FUT9: variants seen among roughly 807,000 people sequenced by gnomAD.
The protein encoded by FUT9 is 4-galactosyl-N-acetylglucosaminide 3-alpha-L-fucosyltransferase 9.
A neutral mutation model predicts 29.7 loss-of-function variants in FUT9; 15 were observed. The ratio of observed to expected loss-of-function variants is 0.51; its 90% CI spans 0.34 to 0.78. FUT9 has a LOEUF of 0.78. Ranked by LOEUF, FUT9 falls within the 30% of genes least tolerant of loss-of-function variation. The probability of loss-of-function intolerance (pLI) is 0.01; values close to 1 mark genes in which losing one functional copy is unlikely to be tolerated. For missense variants in FUT9, 319 were observed against 425.4 expected, an observed-to-expected ratio of 0.75 and a Z score of 2.20; for synonymous variants, 169 against 153.7, an observed-to-expected ratio of 1.10 and a Z score of -0.74.
At position 96,207,138 on chromosome 6, in the gene FUT9, G is replaced by T; in HGVS notation, c.*2903G>T. The T allele has an allele frequency of 6.0e-6, 1 of 166,318 alleles. No homozygotes were observed. 10.3% of individuals were successfully genotyped at this position (166,318 alleles called of 1,614,324 possible). Reference sequence around the variant, plus strand: ...AATTATAATTTTGTTGTTTATAATTGCTATAATATAGAAATTATAATTGCT... The same window carrying T: ...AATTATAATTTTGTTGTTTATAATTTCTATAATATAGAAATTATAATTGCT... On this transcript the variant is annotated 3_prime_UTR_variant, in exon 3 of 3. Transcript: ENST00000302103.
intron 2 of FUT9, among the ~76,000 whole-genome samples, chr6:96,180,935 G>GAAAAAAA (rs5878423): frequency 1.3e-5 from 2 of 148,272 alleles, no homozygotes; most frequent in African/African-American, 2.5e-5. Flanking sequence ...TTAAGTAAAA[G>GAAAAAAA]AAAAAAAAAA....
chr6:96,121,489 T>C (rs1359748797), intron 2 of FUT9, among the ~76,000 whole-genome samples: 1 of 152,178 alleles, frequency 6.6e-6, no homozygotes, highest in African/African-American at 2.4e-5. Context: ...AATATTTATG[T>C]TATCAAGTAG....
At chr6:96,133,423 G>A (rs1221958167) in intron 2 of FUT9, among the ~76,000 whole-genome samples, 1 of 151,868 alleles carries the variant, frequency 6.6e-6, no homozygotes, top group African/African-American at 2.4e-5. Flanking sequence ...GAACATCTGA[G>A]TAATCAATTG....
intron 1 of FUT9, among the ~76,000 whole-genome samples, chr6:96,071,234 G>A (rs1178604779): frequency 6.6e-6 from 1 of 152,114 alleles, no homozygotes; most frequent in African/African-American, 2.4e-5. Context: ...CAGGTCAGAG[G>A]TGCTGTTCTG....
At chr6:96,179,013 A>G (rs1773256128) in intron 2 of FUT9, among the ~76,000 whole-genome samples, 1 of 152,144 alleles carries the variant, frequency 6.6e-6, no homozygotes, top group African/African-American at 2.4e-5. Flanking sequence ...GGGATTTCGA[A>G]AGAATCTGGG....
At position 96,204,864 on chromosome 6, in the gene FUT9, A is replaced by G. The variant is rs972496021; in HGVS notation, c.*629A>G. On this transcript the variant is annotated 3_prime_UTR_variant, in exon 3 of 3. Coordinates refer to ENST00000302103, the MANE Select transcript of FUT9 (RefSeq NM_006581.4). Reference sequence around the variant, plus strand: ...TTAGACTTCTCATTTATTTTCATTAAGCTGATTTGCAGCTACTTATTCTCA... The same window carrying G: ...TTAGACTTCTCATTTATTTTCATTAGGCTGATTTGCAGCTACTTATTCTCA... The G allele has an allele frequency of 6.0e-6, 1 of 165,676 alleles. No homozygotes were observed. Among genetic ancestry groups the G allele is most frequent in the Non-Finnish European group, 1.5e-5 (1 of 68,076 alleles). The allele number at this position is 165,676 out of a possible 1,614,324, so 10.3% of individuals were successfully genotyped here. A position where few individuals can be genotyped will look rare whatever the true frequency, so the allele number is the denominator to read the frequency against.
At chr6:96,170,550 A>T (rs1212600031) in intron 2 of FUT9, among the ~76,000 whole-genome samples, 4 of 101,410 alleles carry the variant, frequency 3.9e-5, no homozygotes, top group Non-Finnish European at 9.9e-5. Context: ...TCCCTTTCAC[A>T]CACACACACA....
chr6:96,121,506 T>G (rs972484249), intron 2 of FUT9, among the ~76,000 whole-genome samples: 9 of 152,200 alleles, frequency 5.9e-5, no homozygotes, highest in Non-Finnish European at 1.3e-4. Flanking sequence ...GTAGTTAGAA[T>G]AAGTAGAGGC....
At chr6:96,190,264 G>T (rs1451020000) in intron 2 of FUT9, among the ~76,000 whole-genome samples, 2 of 152,176 alleles carry the variant, frequency 1.3e-5, no homozygotes, top group Non-Finnish European at 2.9e-5. Flanking sequence ...TAGAGTTTCT[G>T]CCAAGAGATC....
At chr6:96,115,011 T>C (rs1771883751) in intron 2 of FUT9, among the ~76,000 whole-genome samples, 1 of 152,158 alleles carries the variant, frequency 6.6e-6, no homozygotes, top group South Asian at 2.1e-4. Flanking sequence ...CCAGCACTTG[T>C]TTTGCTGAAG....
chr6:96,138,151 C>T (rs1014828636), intron 2 of FUT9, among the ~76,000 whole-genome samples: 4 of 152,288 alleles, frequency 2.6e-5, no homozygotes. Flanking sequence ...TTCTGAGTTA[C>T]TCATGCCCTC....
intron 1 of FUT9, among the ~76,000 whole-genome samples, chr6:96,094,302 G>A (rs1181930070): frequency 6.6e-6 from 1 of 152,072 alleles, no homozygotes; most frequent in African/African-American, 2.4e-5. Context: ...AGCTGGCTTG[G>A]TTATCAGACC....
rs375596428 is a variant in FUT9 at position 96,079,699 on chromosome 6, A to G, written c.-97-34340A>G. On this transcript the variant is annotated intron_variant, in intron 1 of 2. Coordinates refer to ENST00000302103, the MANE Select transcript of FUT9 (RefSeq NM_006581.4). ...TGTTCTACAATATGTTTCTAGTGTA[A>G]AAAACATCACCTCCATCAGAAAAAG... Among the ~76,000 whole-genome samples the G allele has an allele frequency of 2.0e-4, 30 of 151,616 alleles. No individual in the cohort carries two copies. In the South Asian group the frequency reaches 5.0e-3, roughly 25 times the overall value.
At chr6:96,152,145 T>C (rs1037236846) in intron 2 of FUT9, among the ~76,000 whole-genome samples, 8 of 152,198 alleles carry the variant, frequency 5.3e-5, no homozygotes, top group African/African-American at 1.9e-4. Context: ...TAAAGTCTGG[T>C]GCTACCCAGG....
chr6:96,151,123 TTTAACC>T (rs1423443079), intron 2 of FUT9, among the ~76,000 whole-genome samples: 5 of 152,166 alleles, frequency 3.3e-5, no homozygotes, highest in African/African-American at 1.2e-4. Context: ...AGAAAAATGT[TTTAACC>T]TGAAGTCATT....
intron 2 of FUT9, among the ~76,000 whole-genome samples, chr6:96,170,028 A>C (rs1295474546): frequency 6.6e-6 from 1 of 152,180 alleles, no homozygotes; most frequent in Non-Finnish European, 1.5e-5. Context: ...TTGCAGTTCT[A>C]ACTGAATTAG....
rs1477592434 is a variant in FUT9 at position 96,208,209 on chromosome 6, GAT to G, written c.*3977_*3978del. 4 of 37,690 alleles carry G rather than the reference GAT, an allele frequency of 1.1e-4. No homozygotes were observed. Among genetic ancestry groups the G allele is most frequent in the Non-Finnish European group, 1.4e-3 (1 of 722 alleles). 2.3% of individuals were successfully genotyped at this position (37,690 alleles called of 1,614,324 possible). A position where few individuals can be genotyped will look rare whatever the true frequency, so the allele number is the denominator to read the frequency against. On this transcript the variant is annotated 3_prime_UTR_variant, in exon 3 of 3. Coordinates refer to ENST00000302103, the MANE Select transcript of FUT9 (RefSeq NM_006581.4). ...TAAAAGAATAGGAAACTATGCCTCT[GAT>G]ATTTTTTTTGTCAGCCTATTTTTAA...
chr6:96,035,804 TATA>T (rs1163060854), intron 1 of FUT9, among the ~76,000 whole-genome samples: 8 of 134,822 alleles, frequency 5.9e-5, no homozygotes, highest in Admixed American at 4.8e-4. Flanking sequence ...ACTAATATAA[TATA>T]ATACATATAA....
Position 96,066,300 on chromosome 6 carries a change from T to G in FUT9, c.-97-47739T>G, listed in dbSNP as rs188303414. On this transcript the variant is annotated intron_variant, in intron 1 of 2. Transcript: ENST00000302103. ...ACATTAAAATGCACATTTAATACAT[T>G]TGTATATCAATATAATATTGATATA... Among the ~76,000 whole-genome samples, 692 of 151,908 alleles carry G rather than the reference T, an allele frequency of 4.6e-3. 7 individuals carry two copies. Among genetic ancestry groups the G allele is most frequent in the African/African-American group, 0.015 (637 of 41,452 alleles).
Sources: allele counts gnomAD v4.1 joint callset (sites outside exome capture counted in the v4.1 genomes callset), GRCh38; gene constraint gnomAD v4.1.1; transcripts MANE v1.5; gene names NCBI Gene and HGNC (gene_info 2026-07-23, HGNC 2026-07-21).